The following CARHSP1 variants were observed in gnomAD, a reference collection of about 807,000 sequenced individuals.
CARHSP1 encodes the protein calcium-regulated heat-stable protein 1.
In CARHSP1, 14 loss-of-function variants were observed where a neutral mutation model predicts 12.5. The ratio of observed to expected loss-of-function variants is 1.12; its 90% CI spans 0.74 to 1.75. The LOEUF is 1.75. CARHSP1 is among the 40% of genes most tolerant of loss of function. The pLI is 0.00. For missense variants in CARHSP1, 343 were observed against 201.6 expected (o/e 1.70, Z -4.25); for synonymous variants, 161 against 82.0 (o/e 1.96, Z -5.20).
chr16:8,857,857 G>A (rs2017185), intron 3 of CARHSP1: 75,136 of 149,220 alleles, frequency 0.5, 19,433 homozygotes, highest in Admixed American at 0.58. Flanking sequence ...CGCCTCCCAG[G>A]TTCACACCAT....
intron 1 of CARHSP1, chr16:8,861,835 A>G (rs1357415958): frequency 3.3e-6 from 4 of 1,194,614 alleles, no homozygotes; most frequent in Non-Finnish European, 2.1e-6. Flanking sequence ...GTTCCAGGAA[A>G]GAGGCTGGCC....
intron 1 of CARHSP1, among the ~76,000 whole-genome samples, chr16:8,862,693 C>A (rs192516029): frequency 1.2e-4 from 19 of 152,202 alleles, no homozygotes; most frequent in East Asian, 5.8e-4. Context: ...GTGCAAAGGC[C>A]CTGAGGGCCC....
chr16:8,861,504 C>T lies in CARHSP1; in HGVS notation c.-7-2169G>A, dbSNP rs118121092. 1.8e-3 allele frequency: 1,551 copies of T among 839,964 alleles called. 33 individuals are homozygous for T. The East Asian group carries it at 0.029, about 16-fold the overall frequency. The allele number at this position is 839,964 out of a possible 1,614,324, so 52.0% of individuals were successfully genotyped here. The stretch of plus-strand genomic sequence containing the variant: ...CCCCCGAACCGCCTTCAAGCATAGC[C>T]ACCCAAGAACCAGGCCCGACTGCTC... On this transcript the variant is annotated intron_variant, in intron 1 of 3. Coordinates refer to ENST00000311052, the MANE Select transcript of CARHSP1 (RefSeq NM_014316.4).
At chr16:8,862,085 C>G (rs545413203) in intron 1 of CARHSP1, among the ~76,000 whole-genome samples, 36 of 147,744 alleles carry the variant, frequency 2.4e-4, no homozygotes, top group Admixed American at 1.4e-3. Flanking sequence ...TCACTGCAAC[C>G]TCCACCTTCT....
In CARHSP1 at chr16:8,859,223, C is replaced by CG; in HGVS notation, c.105_106insC (p.Gly36ArgfsTer48). On this transcript the variant is annotated frameshift_variant, in exon 2 of 4. Transcript: ENST00000311052. LOFTEE classifies it high-confidence loss of function. ...GGCAGTGGGCTTGGGACCACGTTGC[C>CG]CCGCAGAGGGGATGGTGAGCGCTCA... 6.2e-7 allele frequency: 1 copy of CG among 1,602,346 alleles called. No homozygotes were observed. Among genetic ancestry groups the CG allele is most frequent in the East Asian group, 2.2e-5 (1 of 44,612 alleles).
In CARHSP1 at chr16:8,855,302, C is replaced by T. The variant is rs1424267115; in HGVS notation, c.306G>A (p.Val102=). The T allele has an allele frequency of 3.7e-6, 6 of 1,608,054 alleles. No individual in the cohort carries two copies. The highest frequency in any genetic ancestry group is 5.1e-6 in the Non-Finnish European group (6 of 1,176,362). ...ISDVEGEYVP[V]EGDEVTYKMC... is the part of the protein sequence containing the mutation. ...TTTTATAGGTGACCTCGTCGCCTTC[C>T]ACTGGGACATACTCCCCTTCCACAC... is the stretch of plus-strand genomic sequence containing the variant. The change falls in exon 4 of 4, where the codon GTG becomes GTA. Residue 102 remains valine, a synonymous_variant. Transcript: ENST00000311052.
intron 1 of CARHSP1, chr16:8,860,044 C>T (rs571581226): frequency 2.3e-5 from 16 of 686,058 alleles, no homozygotes; most frequent in East Asian, 1.4e-4. Context: ...AGCCACTCCA[C>T]GGACCCTCCC....
chr16:8,857,950 A>C (rs1251910047), intron 3 of CARHSP1: 2 of 167,214 alleles, frequency 1.2e-5, no homozygotes, highest in Non-Finnish European at 1.3e-5. Context: ...TTTTTTTAGT[A>C]GAGACGGGAT....
rs983434283 is a variant in CARHSP1 at position 8,860,111 on chromosome 16, G to A, written c.-7-776C>T. On this transcript the variant is annotated intron_variant, in intron 1 of 3. Transcript: ENST00000311052. ...AGCAGGGGCAAAAACTGACCCTCAC[G>A]CAGTGTCCGCCTCCAGGGAACTGTG... 1.9e-5 allele frequency: 19 copies of A among 984,360 alleles called. No individual in the cohort carries two copies. The African/African-American group carries it at 2.6e-4, about 14-fold the overall frequency. 61.0% of individuals were successfully genotyped at this position (984,360 alleles called of 1,614,324 possible).
intron 1 of CARHSP1, among the ~76,000 whole-genome samples, chr16:8,863,487 A>G (rs1005041029): frequency 2.6e-5 from 4 of 152,196 alleles, no homozygotes; most frequent in East Asian, 1.9e-4. Flanking sequence ...TGCACTCAGC[A>G]CCATGCCCAG....
At position 8,859,154 on chromosome 16, in the gene CARHSP1, G is replaced by C. The variant is rs747936799; in HGVS notation, c.158+17C>G. 6.3e-6 allele frequency: 10 copies of C among 1,578,190 alleles called. No homozygotes were observed. In the African/African-American group the frequency reaches 1.2e-4, roughly 19 times the overall value. Reference sequence around the variant, plus strand: ...AGATCCATCTGAGAACGCGTCCCCAGCCTGCTCCAGACTCACGCCGAGAAG... The same window carrying C: ...AGATCCATCTGAGAACGCGTCCCCACCCTGCTCCAGACTCACGCCGAGAAG... On this transcript the variant is annotated intron_variant, in intron 2 of 3. Coordinates refer to ENST00000311052, the MANE Select transcript of CARHSP1 (RefSeq NM_014316.4).
intron 1 of CARHSP1, 148 bp downstream of exon 1, chr16:8,868,818 C>G (rs1302803477): frequency 2.0e-5 from 3 of 152,270 alleles, no homozygotes; most frequent in African/African-American, 7.2e-5. Context: ...CCCCGAGAAA[C>G]CCAGCCCGGA....
At chr16:8,861,373 T>A (rs2061349105) in intron 1 of CARHSP1, among the ~76,000 whole-genome samples, 2 of 151,506 alleles carry the variant, frequency 1.3e-5, no homozygotes, top group Admixed American at 1.3e-4. Flanking sequence ...TTCCAGCTGC[T>A]CATGGAAAGA....
chr16:8,863,229 C>A (rs1357858750), intron 1 of CARHSP1, among the ~76,000 whole-genome samples: 1 of 150,290 alleles, frequency 6.7e-6, no homozygotes, highest in Non-Finnish European at 1.5e-5. Flanking sequence ...TCAGGTGATC[C>A]GCCCACCCCA....
intron 2 of CARHSP1, 121 bp downstream of exon 2, chr16:8,859,050 C>T (rs1482527417): frequency 1.2e-5 from 11 of 921,748 alleles, no homozygotes; most frequent in African/African-American, 1.7e-5. Flanking sequence ...CGGCCCAGCC[C>T]CAGGTCTGCC....
Position 8,855,322 on chromosome 16 carries a change from C to T in CARHSP1, c.286G>A (p.Glu96Lys). 2 of 1,598,160 alleles carry T rather than the reference C, an allele frequency of 1.3e-6. No homozygotes were observed. The highest frequency in any genetic ancestry group is 1.7e-6 in the Non-Finnish European group (2 of 1,170,566). Residue 96 changes from glutamate (E) to lysine (K), a missense_variant, in exon 4 of 4, where the codon GAA (glutamate) becomes AAA (lysine). Physicochemically the swap from Glu to Lys is moderately conservative, Grantham distance 56. Coordinates refer to ENST00000311052, the MANE Select transcript of CARHSP1 (RefSeq NM_014316.4). ...PDIFLHISDV[E>K]GEYVPVEGDE... ...CCTTCCACTGGGACATACTCCCCTT[C>T]CACACTACGGGGGCATAAATAAAGC...
chr16:8,853,123 G>A lies in CARHSP1; in HGVS notation c.*2041C>T, dbSNP rs548044421. 9.2e-5 allele frequency: 14 copies of A among 152,146 alleles called. No individual in the cohort carries two copies. Among genetic ancestry groups the A allele is most frequent in the African/African-American group, 3.1e-4 (13 of 41,492 alleles). The allele number at this position is 152,146 out of a possible 1,614,324, so 9.4% of individuals were successfully genotyped here. ...GCGTCCCTTCCAGCTCTGACATCCT[G>A]CGGTTCTAGAATACCCATTGATTGA... On this transcript the variant is annotated 3_prime_UTR_variant, in exon 4 of 4. Coordinates refer to ENST00000311052, the MANE Select transcript of CARHSP1 (RefSeq NM_014316.4).
In CARHSP1 at chr16:8,858,405, G is replaced by A. The variant is rs748937107; in HGVS notation, c.226C>T (p.His76Tyr). Residue 76 changes from histidine to tyrosine, a missense_variant, in exon 3 of 4, where the codon CAT becomes TAT. His to Tyr is a moderately conservative substitution (Grantham distance 83, BLOSUM62 2). Transcript: ENST00000311052. Reference protein sequence around the residue: ...VCKCFCRSKGHGFITPADGGP... With the variant: ...VCKCFCRSKGYGFITPADGGP... ...CCATCAGCTGGAGTAATGAAGCCATGGCCCTTGGACCGGCAGAAGCATTTG... is the reference window on the plus strand; with the variant it reads ...CCATCAGCTGGAGTAATGAAGCCATAGCCCTTGGACCGGCAGAAGCATTTG... 3.7e-6 allele frequency: 6 copies of A among 1,613,988 alleles called. No individual in the cohort carries two copies. In the East Asian group the frequency reaches 1.1e-4, roughly 30 times the overall value.
intron 2 of CARHSP1, 99 bp downstream of exon 2, chr16:8,859,072 C>T: frequency 1.6e-6 from 2 of 1,223,204 alleles, no homozygotes; most frequent in Middle Eastern, 2.8e-4. Flanking sequence ...ATTTGGCAGT[C>T]CGGGACATAG....
Sources: gnomAD v4.1 joint callset for allele counts (sites outside exome capture counted in the v4.1 genomes callset) on GRCh38, gnomAD v4.1.1 for gene constraint, MANE v1.5 for transcripts, NCBI Gene and HGNC (gene_info 2026-07-23, HGNC 2026-07-21) for gene names.